The following CACNA1E variants were observed in gnomAD, a reference collection of about 807,000 sequenced individuals.
CACNA1E encodes the protein calcium voltage-gated channel subunit alpha1 E.
A neutral mutation model predicts 259.2 loss-of-function variants in CACNA1E; 40 were observed. That is an observed-to-expected ratio of 0.15 (90% CI 0.12 to 0.20). The LOEUF (loss-of-function observed/expected upper bound fraction) is 0.20, where lower values mean the gene tolerates loss of function less well. Ranked by LOEUF, CACNA1E falls within the 10% of genes least tolerant of loss-of-function variation. The pLI, the probability that CACNA1E is intolerant of heterozygous loss-of-function variation, is 1.00. For missense variants in CACNA1E, 1,874 were observed against 3,040.1 expected, an observed-to-expected ratio of 0.62 and a Z score of 9.02; for synonymous variants, 1,104 against 1,138.5, an observed-to-expected ratio of 0.97 and a Z score of 0.61.
intron 2 of CACNA1E, among the ~76,000 whole-genome samples, chr1:181,447,920 G>C (rs937438719): frequency 6.6e-6 from 1 of 152,178 alleles, no homozygotes; most frequent in African/African-American, 2.4e-5. Flanking sequence ...CAGTAATAGC[G>C]GGTGGGGTCT....
rs750422146 is a variant in CACNA1E, at chr1:181,605,168, C to T, written c.951+24392C>T. On this transcript the variant is annotated intron_variant, in intron 6 of 47. Transcript: ENST00000367573. ...ACGTGCTTAACTTAGGAGGCAATTT[C>T]GGAGGAAACAGAGAGAAAGAAATTA... Among the ~76,000 whole-genome samples, 76 of 151,982 alleles carry T rather than the reference C, an allele frequency of 5.0e-4. 1 individual carries two copies. Among genetic ancestry groups the T allele is most frequent in the Non-Finnish European group, 9.3e-4 (63 of 68,024 alleles).
intron 2 of CACNA1E, among the ~76,000 whole-genome samples, chr1:181,451,814 C>A (rs536182758): frequency 1.3e-5 from 2 of 152,066 alleles, no homozygotes; most frequent in Non-Finnish European, 2.9e-5. Flanking sequence ...GAAGACAGGG[C>A]CCAGGGCTAA....
Position 181,732,588 on chromosome 1 carries a change from G to A in CACNA1E, c.2502G>A (p.Glu834=), listed in dbSNP as rs1340011337. Residue 834 remains glutamate (E), a synonymous_variant, in exon 20 of 48, where the codon GAG becomes GAA. Transcript: ENST00000367573. This position sits in a 1 kb window ranked among gnomAD's most constrained non-coding sequence, Gnocchi z 5.5. ...TTTATCGGCGACCCAGGGCCATTGA[G>A]GGCCTGGCCCTGGGCCTGGCCCTGG... The part of the protein sequence containing the change: ...PSLYRRPRAI[E]GLALGLALEK... The A allele has an allele frequency of 6.6e-7, 1 of 1,514,858 alleles. No individual in the cohort carries two copies. Among genetic ancestry groups the A allele is most frequent in the Non-Finnish European group, 8.8e-7 (1 of 1,130,810 alleles). 93.8% of individuals were successfully genotyped at this position (1,514,858 alleles called of 1,614,324 possible). A position where few individuals can be genotyped will look rare whatever the true frequency, so the allele number is the denominator to read the frequency against.
chr1:181,719,148 A>C (rs949254129), intron 12 of CACNA1E, among the ~76,000 whole-genome samples: 20 of 152,192 alleles, frequency 1.3e-4, no homozygotes, highest in African/African-American at 4.3e-4. Context: ...CAGGATTAAT[A>C]GTTGTTGTTT....
intron 6 of CACNA1E, among the ~76,000 whole-genome samples, chr1:181,593,467 T>A (rs937370345): frequency 3.9e-5 from 6 of 152,256 alleles, no homozygotes; most frequent in Non-Finnish European, 7.3e-5. Context: ...TAATAGTTCT[T>A]GCTAACTTGC....
chr1:181,541,749 T>C (rs1244669104), intron 3 of CACNA1E, among the ~76,000 whole-genome samples: 1 of 152,208 alleles, frequency 6.6e-6, no homozygotes, highest in Non-Finnish European at 1.5e-5. Flanking sequence ...GAGATCTTGT[T>C]TCTTCGTATA....
chr1:181,720,395 T>C (rs1654311539), intron 14 of CACNA1E, 58 bp downstream of exon 14: 1 of 1,562,442 alleles, frequency 6.4e-7, no homozygotes, highest in African/African-American at 1.3e-5. Flanking sequence ...GTAGCCTGTG[T>C]TGGGCTAGGG....
intron 1 of CACNA1E, among the ~76,000 whole-genome samples, chr1:181,378,413 G>A (rs1178860796): frequency 6.6e-6 from 1 of 152,218 alleles, no homozygotes; most frequent in Admixed American, 6.5e-5. Context: ...ATTCCAGGCT[G>A]CATTTCAGGG....
chr1:181,791,852 C>G (rs1051067940), intron 44 of CACNA1E, among the ~76,000 whole-genome samples: 2 of 152,208 alleles, frequency 1.3e-5, no homozygotes, highest in Non-Finnish European at 2.9e-5. Flanking sequence ...CTCAGAGCCA[C>G]CCTGAATGAT....
At chr1:181,646,929 T>G (rs1658321443) in intron 6 of CACNA1E, among the ~76,000 whole-genome samples, 1 of 152,198 alleles carries the variant, frequency 6.6e-6, no homozygotes, top group South Asian at 2.1e-4. Flanking sequence ...CCTGTGCAGG[T>G]GGGCTGCCGC....
chr1:181,781,433 C>A lies in CACNA1E; in HGVS notation c.5274C>A (p.Arg1758=). 1 of 1,567,462 alleles carries A rather than the reference C, an allele frequency of 6.4e-7. No individual in the cohort carries two copies. Among genetic ancestry groups the A allele is most frequent in the Non-Finnish European group, 8.7e-7 (1 of 1,146,952 alleles). ...CACCACCCTCCATGAGCAGTGGCCGCATCCATTACACTGAGATGTATGAAA... is the reference window on the plus strand; with the variant it reads ...CACCACCCTCCATGAGCAGTGGCCGAATCCATTACACTGAGATGTATGAAA... ...WAEYDRAACG[R]IHYTEMYEML... The change falls in exon 39 of 48, where the codon CGC becomes CGA. Residue 1758 remains arginine (R), a synonymous_variant. Transcript: ENST00000367573.
chr1:181,666,256 G>A (rs1287549131), intron 7 of CACNA1E, among the ~76,000 whole-genome samples: 5 of 152,020 alleles, frequency 3.3e-5, no homozygotes, highest in African/African-American at 4.8e-5. Context: ...TTGCCTAAAC[G>A]ATAGAATCAC....
At chr1:181,532,830 C>A (rs567952986) in intron 3 of CACNA1E, among the ~76,000 whole-genome samples, 1 of 152,234 alleles carries the variant, frequency 6.6e-6, no homozygotes, top group Non-Finnish European at 1.5e-5. Flanking sequence ...CCTGCTACTA[C>A]GCTAATTTTA....
At chr1:181,793,861 T>C in intron 45 of CACNA1E, 68 bp downstream of exon 45, 14 of 1,515,456 alleles carry the variant, frequency 9.2e-6, no homozygotes, top group Non-Finnish European at 1.2e-5. Context: ...TGGAATAATA[T>C]CTGATATTTG....
At chr1:181,477,083 C>T (rs960302542) in intron 2 of CACNA1E, among the ~76,000 whole-genome samples, 2 of 152,132 alleles carry the variant, frequency 1.3e-5, no homozygotes, top group Admixed American at 6.5e-5. Flanking sequence ...CTTCGTGATC[C>T]TAGATACATT....
intron 35 of CACNA1E, among the ~76,000 whole-genome samples, chr1:181,767,943 A>G (rs1659168560): frequency 6.6e-6 from 1 of 152,174 alleles, no homozygotes; most frequent in African/African-American, 2.4e-5. Context: ...TTCAAAATTG[A>G]TTTTTTATTG....
At chr1:181,720,903 A>C in intron 15 of CACNA1E, 48 bp downstream of exon 15, 4 of 1,128,938 alleles carry the variant, frequency 3.5e-6, no homozygotes, top group Non-Finnish European at 5.3e-6. Flanking sequence ...GGTCCCTTGG[A>C]CTGCACACTG....
intron 1 of CACNA1E, among the ~76,000 whole-genome samples, chr1:181,361,219 T>C (rs903469636): frequency 2.0e-5 from 3 of 152,188 alleles, no homozygotes; most frequent in Non-Finnish European, 2.9e-5. Flanking sequence ...TCTCTTCCTT[T>C]GTAACTCCTC....
chr1:181,370,440 C>T (rs965887596), intron 1 of CACNA1E, among the ~76,000 whole-genome samples: 2 of 151,892 alleles, frequency 1.3e-5, no homozygotes, highest in Admixed American at 6.5e-5. Flanking sequence ...CACCCTCCTT[C>T]GTCAAGTAGG....
Sources: allele counts gnomAD v4.1 joint callset (sites outside exome capture counted in the v4.1 genomes callset), GRCh38; gene constraint gnomAD v4.1.1; non-coding constraint Gnocchi (gnomAD v3.1); transcripts MANE v1.5; gene names NCBI Gene and HGNC (gene_info 2026-07-23, HGNC 2026-07-21).